PRAM1: variants seen among roughly 807,000 people sequenced by gnomAD.
PRAM1 encodes PML-RARA regulated adaptor molecule 1, also known as PML-RARA-regulated adapter molecule 1.
A neutral mutation model predicts 55.3 loss-of-function variants in PRAM1; 41 were observed. The observed-to-expected ratio is 0.74, with a 90% CI of 0.58 to 0.96. PRAM1 has a LOEUF of 0.96. Among genes scored for constraint, PRAM1 ranks in the 40% least tolerant of loss-of-function variants. The probability of loss-of-function intolerance (pLI) is 0.00; values close to 1 mark genes in which losing one functional copy is unlikely to be tolerated. For synonymous variants in PRAM1, 401 were observed against 387.1 expected (o/e 1.04, Z -0.42); for missense variants, 898 against 892.7 (o/e 1.01, Z -0.08).
Position 8,498,998 on chromosome 19 carries a change from G to C in PRAM1, c.810C>G (p.Pro270=), listed in dbSNP as rs375525038. ...TCAGCGGAGGCTGGGAGGCCTTTTT[G>C]GGAAAGGCGCTGGAGTCGCGCTTCG... ...SEPKRDSSAF[P]KKASQPPLSD... is the part of the protein sequence containing the mutation. The change falls in exon 2 of 10, where the codon CCC becomes CCG. Residue 270 remains proline, a synonymous_variant. Coordinates refer to ENST00000423345, the MANE Select transcript of PRAM1 (RefSeq NM_032152.5). 691 of 1,613,760 alleles carry C rather than the reference G, an allele frequency of 4.3e-4. No homozygotes were observed. The highest frequency in any genetic ancestry group is 5.7e-4 in the Non-Finnish European group (675 of 1,179,866).
rs559648187 is a variant in PRAM1, at chr19:8,500,453, C to T, written c.28-673G>A. Among the ~76,000 whole-genome samples the T allele has an allele frequency of 2.0e-4, 31 of 152,194 alleles. 1 individual carries two copies. Among genetic ancestry groups the T allele is most frequent in the Admixed American group, 1.5e-3 (23 of 15,298 alleles). On this transcript the variant is annotated intron_variant, in intron 1 of 9. Transcript: ENST00000423345. ...TGCCTACCCCCTTCCCTGGTCAGTTCCCCCCATGGCAGCTGGAGGGAGAAG... is the reference window on the plus strand; with the variant it reads ...TGCCTACCCCCTTCCCTGGTCAGTTTCCCCCATGGCAGCTGGAGGGAGAAG...
intron 4 of PRAM1, among the ~76,000 whole-genome samples, chr19:8,494,239 T>TG (rs1393899526): frequency 1.3e-5 from 2 of 152,066 alleles, no homozygotes; most frequent in African/African-American, 4.8e-5. Flanking sequence ...TCGGAAGAGG[T>TG]GGGGGATTCC....
chr19:8,499,885 GC>G, intron 1 of PRAM1, 105 bp from the exon 2 acceptor site: 1 of 978,020 alleles, frequency 1.0e-6, no homozygotes, highest in Non-Finnish European at 1.5e-6. Flanking sequence ...CCACCCCTGC[GC>G]CCAGGCCCGG....
In PRAM1 at chr19:8,502,606, C is replaced by A; in HGVS notation, c.-15G>T. ...TGATGGGCCATGGGATGAGTGGGAC[C>A]CGAGCTGGGGCCGCTGCCTTCAGGA... On this transcript the variant is annotated 5_prime_UTR_variant, in exon 1 of 10. Coordinates refer to ENST00000423345, the MANE Select transcript of PRAM1 (RefSeq NM_032152.5). 1 of 1,550,360 alleles carries A rather than the reference C, an allele frequency of 6.5e-7. No homozygotes were observed. The highest frequency in any genetic ancestry group is 8.7e-7 in the Non-Finnish European group (1 of 1,148,414).
chr19:8,498,977 C>G lies in PRAM1; in HGVS notation c.831G>C (p.Pro277=), dbSNP rs749666961. Residue 277 remains proline, a synonymous_variant, in exon 2 of 10, where the codon CCG becomes CCC. Coordinates refer to ENST00000423345, the MANE Select transcript of PRAM1 (RefSeq NM_032152.5). ...SAFPKKASQP[P]LSDFPKKPPQ... ...GAGGCTTCTTGGGAAAGTCACTCAG[C>G]GGAGGCTGGGAGGCCTTTTTGGGAA... 6.2e-7 allele frequency: 1 copy of G among 1,613,818 alleles called. No individual in the cohort carries two copies. Among genetic ancestry groups the G allele is most frequent in the Non-Finnish European group, 8.5e-7 (1 of 1,179,882 alleles).
intron 4 of PRAM1, among the ~76,000 whole-genome samples, chr19:8,494,173 A>C (rs10416007): frequency 0.047 from 7,103 of 152,228 alleles, 545 homozygotes; most frequent in African/African-American, 0.16. Flanking sequence ...TGACAGGAAC[A>C]ATGGGCCAAG....
rs1244718264 is a variant in PRAM1 at position 8,490,881 on chromosome 19, C to T, written c.1743+6G>A. 6.2e-7 allele frequency: 1 copy of T among 1,612,884 alleles called. No individual in the cohort carries two copies. Among genetic ancestry groups the T allele is most frequent in the South Asian group, 1.1e-5 (1 of 91,088 alleles). ...CCAGGACTCCTGCTTAGCTCAGAGG[C>T]CTCACCTTGAACTTCTTCCGGAACT... On this transcript the variant is annotated splice_donor_region_variant and intron_variant, in intron 6 of 9. Transcript: ENST00000423345. This position sits in a 1 kb window ranked among gnomAD's most constrained non-coding sequence, Gnocchi z 7.3.
At position 8,499,419 on chromosome 19, in the gene PRAM1, T is replaced by C. The variant is rs1971767033; in HGVS notation, c.389A>G (p.Lys130Arg). ...SKLELSDLSK[K>R]FPQLGATPFP... Reference sequence around the variant, plus strand: ...CGGAGTGGCCCCCAGCTGTGGGAACTTCTTGGAGAGGTCACTCAACTCCAG... The same window carrying C: ...CGGAGTGGCCCCCAGCTGTGGGAACCTCTTGGAGAGGTCACTCAACTCCAG... Residue 130 changes from lysine (K) to arginine (R), a missense_variant, in exon 2 of 10, where the codon AAG becomes AGG. Physicochemically the swap from Lys to Arg is conservative, Grantham distance 26. Coordinates refer to ENST00000423345, the MANE Select transcript of PRAM1 (RefSeq NM_032152.5). 6.2e-7 allele frequency: 1 copy of C among 1,612,552 alleles called. No individual in the cohort carries two copies. The highest frequency in any genetic ancestry group is 1.1e-5 in the South Asian group (1 of 91,022).
rs1291140236 is a variant in PRAM1 at position 8,493,558 on chromosome 19, C to T, written c.1577-2401G>A. On this transcript the variant is annotated intron_variant, in intron 4 of 9. Coordinates refer to ENST00000423345, the MANE Select transcript of PRAM1 (RefSeq NM_032152.5). This position sits in a 1 kb window ranked among gnomAD's most constrained non-coding sequence, Gnocchi z 4.1. ...CAGAGCAGGCCTCTGCCCGCCTTCCCCGCATGGCCAGCTCAGATCCCTGGG... is the reference window on the plus strand; with the variant it reads ...CAGAGCAGGCCTCTGCCCGCCTTCCTCGCATGGCCAGCTCAGATCCCTGGG... Among the ~76,000 whole-genome samples the T allele has an allele frequency of 6.6e-6, 1 of 150,966 alleles. No individual in the cohort carries two copies. Among genetic ancestry groups the T allele is most frequent in the African/African-American group, 2.5e-5 (1 of 40,246 alleles).
intron 4 of PRAM1, among the ~76,000 whole-genome samples, chr19:8,494,230 C>T (rs1390653351): frequency 6.6e-6 from 1 of 152,152 alleles, no homozygotes. Flanking sequence ...CTCCTAGCCT[C>T]GGAAGAGGTG....
chr19:8,491,178 G>T, intron 4 of PRAM1, 21 bp from the exon 5 acceptor site: 1 of 1,605,936 alleles, frequency 6.2e-7, no homozygotes, highest in Non-Finnish European at 8.5e-7. Context: ...TCAGGACTCC[G>T]AGTCAAGGCA....
At chr19:8,492,634 G>A (rs1460363523) in intron 4 of PRAM1, among the ~76,000 whole-genome samples, 4 of 152,140 alleles carry the variant, frequency 2.6e-5, no homozygotes, top group African/African-American at 9.7e-5. Flanking sequence ...CTGGCCCATG[G>A]GTACAAAGTT....
intron 4 of PRAM1, among the ~76,000 whole-genome samples, chr19:8,497,332 C>T (rs756136726): frequency 6.6e-6 from 1 of 152,108 alleles, no homozygotes; most frequent in Non-Finnish European, 1.5e-5. Context: ...ATGCTTGTCA[C>T]ACCTGGCTGA....
intron 4 of PRAM1, 73 bp downstream of exon 4, chr19:8,497,691 T>TA: frequency 1.6e-5 from 21 of 1,308,884 alleles, no homozygotes; most frequent in Non-Finnish European, 2.3e-5. Context: ...TACTTGCTCT[T>TA]ACACCAGGAG....
chr19:8,492,349 T>A (rs1971642283), intron 4 of PRAM1, among the ~76,000 whole-genome samples: 1 of 151,992 alleles, frequency 6.6e-6, no homozygotes, highest in Non-Finnish European at 1.5e-5. Context: ...CTCTGCCTCC[T>A]GGGTTCAAGC....
chr19:8,498,171 C>T (rs1272831221), intron 3 of PRAM1, 52 bp downstream of exon 3: 2 of 1,571,370 alleles, frequency 1.3e-6, no homozygotes, highest in East Asian at 2.3e-5. Context: ...CGAGATGAGG[C>T]CTCTTTGAGC....
At chr19:8,492,235 G>GTTTTTTTTTT (rs35488462) in intron 4 of PRAM1, among the ~76,000 whole-genome samples, 2 of 142,830 alleles carry the variant, frequency 1.4e-5, no homozygotes. Flanking sequence ...GTGCCTAGCC[G>GTTTTTTTTTT]TTTTTTTTTT....
intron 4 of PRAM1, among the ~76,000 whole-genome samples, chr19:8,496,395 T>TA (rs1447392439): frequency 6.7e-6 from 1 of 150,182 alleles, no homozygotes; most frequent in Non-Finnish European, 1.5e-5. Context: ...GCCTGGGCGA[T>TA]AACAGAGCGA....
In PRAM1 at chr19:8,499,386, C is replaced by G. The variant is rs772353502; in HGVS notation, c.422G>C (p.Arg141Thr). Reference sequence around the variant, plus strand: ...ACCGACCTCAGGCTGCAGGGGCTTCCTTGGAAACGGAGTGGCCCCCAGCTG... The same window carrying G: ...ACCGACCTCAGGCTGCAGGGGCTTCGTTGGAAACGGAGTGGCCCCCAGCTG... Reference protein sequence around the residue: ...FPQLGATPFPRKPLQPEVGEA... With the variant: ...FPQLGATPFPTKPLQPEVGEA... The change falls in exon 2 of 10, where the codon AGG becomes ACG. Residue 141 changes from arginine (R) to threonine (T), a missense_variant. Arg to Thr is a moderately conservative substitution (Grantham distance 71). This residue lies in a region of PRAM1 where 787 missense variants were observed against 735.4 expected (regional missense o/e 1.07). Coordinates refer to ENST00000423345, the MANE Select transcript of PRAM1 (RefSeq NM_032152.5). 1 of 1,612,764 alleles carries G rather than the reference C, an allele frequency of 6.2e-7. No individual in the cohort carries two copies. The highest frequency in any genetic ancestry group is 2.2e-5 in the East Asian group (1 of 44,818).
Sources: allele counts gnomAD v4.1 joint callset (sites outside exome capture counted in the v4.1 genomes callset), GRCh38; gene constraint gnomAD v4.1.1; regional missense constraint gnomAD v4.1.1; non-coding constraint Gnocchi (gnomAD v3.1); transcripts MANE v1.5; gene names NCBI Gene and HGNC (gene_info 2026-07-23, HGNC 2026-07-21).